Variants in CTNND2 observed in about 807,000 individuals in gnomAD.
CTNND2 encodes the protein catenin delta-2.
A neutral mutation model predicts 144.4 loss-of-function variants in CTNND2; 22 were observed. The ratio of observed to expected loss-of-function variants is 0.15; its 90% CI spans 0.11 to 0.22. The LOEUF (loss-of-function observed/expected upper bound fraction) is 0.22. Among genes scored for constraint, CTNND2 ranks in the 10% least tolerant of loss-of-function variants. CTNND2 has a pLI of 1.00. For missense variants in CTNND2, 1,353 were observed against 1,618.8 expected (o/e 0.84, Z 2.82); for synonymous variants, 751 against 695.6 (o/e 1.08, Z -1.25).
intron 3 of CTNND2, among the ~76,000 whole-genome samples, chr5:11,528,570 A>T (rs1773470802): frequency 6.6e-6 from 1 of 152,186 alleles, no homozygotes; most frequent in Non-Finnish European, 1.5e-5. Context: ...ACCAAAAGGG[A>T]GGTGCAGAGT....
intron 12 of CTNND2, among the ~76,000 whole-genome samples, chr5:11,151,931 C>T (rs1757788782): frequency 2.0e-5 from 3 of 152,058 alleles, no homozygotes; most frequent in Admixed American, 2.0e-4. Flanking sequence ...GGAAGAAAGG[C>T]CATCTGAAAG....
intron 2 of CTNND2, among the ~76,000 whole-genome samples, chr5:11,625,243 A>T (rs758473711): frequency 6.6e-6 from 1 of 152,132 alleles, no homozygotes; most frequent in Non-Finnish European, 1.5e-5. Flanking sequence ...TGTTAGAATG[A>T]TTGGGGAAAA....
intron 9 of CTNND2, among the ~76,000 whole-genome samples, chr5:11,258,254 T>C (rs1744485054): frequency 1.3e-5 from 2 of 152,132 alleles, no homozygotes; most frequent in Admixed American, 1.3e-4. Flanking sequence ...GCAGCCGACA[T>C]ATGGCCCAAA....
intron 8 of CTNND2, among the ~76,000 whole-genome samples, chr5:11,349,411 C>T (rs760449900): frequency 1.1e-4 from 17 of 152,054 alleles, no homozygotes; most frequent in Non-Finnish European, 2.5e-4. Context: ...TTTCACCTTA[C>T]AGACAGGAAA....
At chr5:11,567,134 T>A (rs1427795304) in intron 2 of CTNND2, among the ~76,000 whole-genome samples, 1 of 152,150 alleles carries the variant, frequency 6.6e-6, no homozygotes, top group African/African-American at 2.4e-5. Flanking sequence ...TCTCTATATG[T>A]CTATAGTGTT....
chr5:11,849,169 C>T (rs1023401119), intron 1 of CTNND2, among the ~76,000 whole-genome samples: 22 of 152,020 alleles, frequency 1.4e-4, no homozygotes, highest in Non-Finnish European at 1.2e-4. Flanking sequence ...CATCTTACAA[C>T]GCAGCAGGCA....
intron 10 of CTNND2, among the ~76,000 whole-genome samples, chr5:11,234,748 G>A (rs966652344): frequency 1.3e-5 from 2 of 152,148 alleles, no homozygotes; most frequent in South Asian, 2.1e-4. Flanking sequence ...TTGCCTGGCC[G>A]GGTGACTCCT....
rs1166893152 is a variant in CTNND2 at position 11,859,279 on chromosome 5, T to C, written c.37+44538A>G. On this transcript the variant is annotated intron_variant, in intron 1 of 21. Coordinates refer to ENST00000304623, the MANE Select transcript of CTNND2 (RefSeq NM_001332.4). ...GCCATTATGTGTTATGCTTAACACA[T>C]GGTGCCTTGTTTCATAATTTGCACT... Among the ~76,000 whole-genome samples, 3 of 152,230 alleles carry C rather than the reference T, an allele frequency of 2.0e-5. No individual in the cohort carries two copies. The East Asian group carries it at 5.8e-4, about 29-fold the overall frequency.
chr5:11,465,633 C>A (rs1581254642), intron 3 of CTNND2, among the ~76,000 whole-genome samples: 1 of 152,144 alleles, frequency 6.6e-6, no homozygotes, highest in African/African-American at 2.4e-5. Flanking sequence ...CTGAAAAACT[C>A]ATAGCTATAA....
chr5:11,087,916 A>C (rs9312754), intron 15 of CTNND2, among the ~76,000 whole-genome samples: 25,483 of 152,116 alleles, frequency 0.17, 3,227 homozygotes, highest in East Asian at 0.42. Flanking sequence ...TAGTAAGAAC[A>C]AACAAAGAAG....
At chr5:11,410,234 G>A (rs1761404326) in intron 5 of CTNND2, among the ~76,000 whole-genome samples, 2 of 152,118 alleles carry the variant, frequency 1.3e-5, no homozygotes, top group South Asian at 4.1e-4. Context: ...CAGAGAACAA[G>A]GATAATACCA....
At chr5:11,769,689 C>A (rs988978919) in intron 1 of CTNND2, among the ~76,000 whole-genome samples, 1 of 152,082 alleles carries the variant, frequency 6.6e-6, no homozygotes, top group African/African-American at 2.4e-5. Context: ...GTGGACAGTA[C>A]ATATATGCAA....
intron 1 of CTNND2, among the ~76,000 whole-genome samples, chr5:11,801,563 G>A (rs1351885277): frequency 6.6e-6 from 1 of 152,142 alleles, no homozygotes; most frequent in Non-Finnish European, 1.5e-5. Flanking sequence ...GTAACTAAGA[G>A]CATTGAAATG....
At chr5:11,491,534 T>C (rs975343769) in intron 3 of CTNND2, among the ~76,000 whole-genome samples, 1 of 152,178 alleles carries the variant, frequency 6.6e-6, no homozygotes, top group African/African-American at 2.4e-5. Flanking sequence ...GGATTCCAAC[T>C]ACTGGCAGTC....
intron 9 of CTNND2, among the ~76,000 whole-genome samples, chr5:11,340,872 G>A (rs1754193145): frequency 6.6e-6 from 1 of 152,116 alleles, no homozygotes; most frequent in Non-Finnish European, 1.5e-5. Flanking sequence ...TAGAGATTTT[G>A]GGATGATTAA....
At chr5:11,523,016 T>C (rs1772892634) in intron 3 of CTNND2, among the ~76,000 whole-genome samples, 1 of 152,246 alleles carries the variant, frequency 6.6e-6, no homozygotes, top group Non-Finnish European at 1.5e-5. Flanking sequence ...CTATTTGGCA[T>C]GGTTGGATGC....
chr5:11,059,155 A>G (rs1029674500), intron 16 of CTNND2, among the ~76,000 whole-genome samples: 3 of 152,146 alleles, frequency 2.0e-5, no homozygotes, highest in African/African-American at 7.2e-5. Flanking sequence ...TGGTTTTGAA[A>G]TGTGAGGATA....
rs980310414 is a variant in CTNND2 at position 11,065,753 on chromosome 5, A to G, written c.2788+16943T>C. 3.3e-5 allele frequency among the ~76,000 whole-genome samples: 5 copies of G among 152,366 alleles called. No individual in the cohort carries two copies. In the East Asian group the frequency reaches 9.6e-4, roughly 29 times the overall value. On this transcript the variant is annotated intron_variant, in intron 16 of 21. Coordinates refer to ENST00000304623, the MANE Select transcript of CTNND2 (RefSeq NM_001332.4). ...TACTTTCCAATTTGACTCTGGCATA[A>G]CATTATGTGACAAAGAAGAAAGTCA...
At position 11,257,675 on chromosome 5, in the gene CTNND2, G is replaced by T. The variant is rs188552914; in HGVS notation, c.1629-20852C>A. On this transcript the variant is annotated intron_variant, in intron 9 of 21. Coordinates refer to ENST00000304623, the MANE Select transcript of CTNND2 (RefSeq NM_001332.4). ...TCCCAAGACACATGAGGAATATGGG[G>T]TTACAATTCGAGATGAGATTCAGGT... Among the ~76,000 whole-genome samples, 27 of 152,248 alleles carry T rather than the reference G, an allele frequency of 1.8e-4. No homozygotes were observed. In the East Asian group the frequency reaches 4.8e-3, roughly 27 times the overall value.
Sources: gnomAD v4.1 joint callset for allele counts (sites outside exome capture counted in the v4.1 genomes callset) on GRCh38, gnomAD v4.1.1 for gene constraint, MANE v1.5 for transcripts, NCBI Gene and HGNC (gene_info 2026-07-23, HGNC 2026-07-21) for gene names.